DLG2: variants seen among roughly 807,000 people sequenced by gnomAD.
DLG2 encodes disks large homolog 2.
A neutral mutation model predicts 132.5 loss-of-function variants in DLG2; 45 were observed. That is an observed-to-expected ratio of 0.34 (90% CI 0.27 to 0.44). The LOEUF (loss-of-function observed/expected upper bound fraction) is 0.44. Ranked by LOEUF, DLG2 falls within the 20% of genes least tolerant of loss-of-function variation. The pLI is 1.00. For missense variants in DLG2, 1,045 were observed against 1,196.9 expected, an observed-to-expected ratio of 0.87 and a Z score of 1.87; for synonymous variants, 424 against 419.6, an observed-to-expected ratio of 1.01 and a Z score of -0.13.
intron 6 of DLG2, among the ~76,000 whole-genome samples, chr11:84,929,851 C>T (rs1399005776): frequency 2.6e-5 from 4 of 151,970 alleles, no homozygotes; most frequent in East Asian, 1.9e-4. Flanking sequence ...ACCACTTGAA[C>T]GCACAGCCTG....
At chr11:84,602,347 T>C (rs1231306100) in intron 6 of DLG2, among the ~76,000 whole-genome samples, 1 of 151,930 alleles carries the variant, frequency 6.6e-6, no homozygotes, top group Non-Finnish European at 1.5e-5. Flanking sequence ...ATAGGGAATT[T>C]AACTGACTTG....
intron 7 of DLG2, among the ~76,000 whole-genome samples, chr11:84,324,496 C>T (rs193121655): frequency 1.8e-4 from 27 of 151,872 alleles, no homozygotes; most frequent in Non-Finnish European, 3.1e-4. Flanking sequence ...TTCAGATTTA[C>T]TCTTCTTTCT....
intron 6 of DLG2, among the ~76,000 whole-genome samples, chr11:84,819,223 T>C (rs933429239): frequency 3.3e-5 from 5 of 151,900 alleles, no homozygotes; most frequent in African/African-American, 1.2e-4. Flanking sequence ...TTTAAACCTA[T>C]ATCTACCTGA....
chr11:84,290,677 T>C (rs1003546304), intron 7 of DLG2, among the ~76,000 whole-genome samples: 2 of 152,060 alleles, frequency 1.3e-5, no homozygotes, highest in African/African-American at 4.8e-5. Context: ...GAAAAGGAAG[T>C]GGGAGAGATA....
intron 19 of DLG2, among the ~76,000 whole-genome samples, chr11:83,555,257 T>C (rs532175328): frequency 6.6e-6 from 1 of 152,352 alleles, no homozygotes; most frequent in South Asian, 2.1e-4. Flanking sequence ...AGAGGCCAGG[T>C]CATGGAGAAT....
chr11:85,370,749 A>AGAG (rs2084912883), intron 3 of DLG2, among the ~76,000 whole-genome samples: 1 of 152,184 alleles, frequency 6.6e-6, no homozygotes, highest in African/African-American at 2.4e-5. Flanking sequence ...TGAGTACTTC[A>AGAG]GAGGGCCCCT....
At chr11:85,383,104 AAAT>A (rs2086030912) in intron 3 of DLG2, among the ~76,000 whole-genome samples, 1 of 152,168 alleles carries the variant, frequency 6.6e-6, no homozygotes, top group African/African-American at 2.4e-5. Context: ...ATGAACAGAT[AAAT>A]AATATATAGT....
At chr11:84,688,036 T>G (rs576582978) in intron 6 of DLG2, among the ~76,000 whole-genome samples, 33 of 152,228 alleles carry the variant, frequency 2.2e-4, no homozygotes, top group South Asian at 1.0e-3. Context: ...TGTATATATG[T>G]GATAGCAGAG....
intron 7 of DLG2, among the ~76,000 whole-genome samples, chr11:84,381,694 G>T (rs2098749559): frequency 1.3e-5 from 2 of 152,144 alleles, no homozygotes; most frequent in Admixed American, 1.3e-4. Context: ...CTCCTAAAAT[G>T]CTAATGAACC....
chr11:83,769,516 T>C (rs533991000), intron 18 of DLG2, among the ~76,000 whole-genome samples: 1 of 149,922 alleles, frequency 6.7e-6, no homozygotes, highest in Non-Finnish European at 1.5e-5. Context: ...GGGGATGGAG[T>C]GTATGGTTAG....
intron 3 of DLG2, among the ~76,000 whole-genome samples, chr11:85,497,020 T>C (rs1471042489): frequency 6.6e-6 from 1 of 151,740 alleles, no homozygotes; most frequent in Non-Finnish European, 1.5e-5. Context: ...ATGCCTCTTC[T>C]CCTCCAAAGG....
chr11:85,115,472 G>A (rs763082849), intron 5 of DLG2, among the ~76,000 whole-genome samples: 104 of 152,018 alleles, frequency 6.8e-4, no homozygotes, highest in Middle Eastern at 3.4e-3. Context: ...AACTAATAAA[G>A]CTGCAGTTAT....
intron 6 of DLG2, among the ~76,000 whole-genome samples, chr11:84,985,167 G>C (rs2056313601): frequency 6.6e-6 from 1 of 152,144 alleles, no homozygotes; most frequent in South Asian, 2.1e-4. Flanking sequence ...AATAACTGCA[G>C]AATATCCATT....
intron 17 of DLG2, among the ~76,000 whole-genome samples, chr11:83,792,322 T>C (rs1285071995): frequency 6.6e-6 from 1 of 152,174 alleles, no homozygotes; most frequent in Non-Finnish European, 1.5e-5. Context: ...ATTAAACATA[T>C]AGGAACTAAT....
In DLG2 at chr11:85,098,414, T is replaced by C. The variant is rs377283124; in HGVS notation, c.357+13247A>G. 2.6e-5 allele frequency among the ~76,000 whole-genome samples: 4 copies of C among 152,316 alleles called. No individual in the cohort carries two copies. In the East Asian group the frequency reaches 5.8e-4, roughly 22 times the overall value. ...TTTTTTGGTTTTGTATAGATCTTCC[T>C]ATAGACCTCAAGCTTTCAGAGAGTC... On this transcript the variant is annotated intron_variant, in intron 6 of 27. Transcript: ENST00000376104.
chr11:85,472,886 T>C (rs939638348), intron 3 of DLG2, among the ~76,000 whole-genome samples: 1 of 152,202 alleles, frequency 6.6e-6, no homozygotes, highest in African/African-American at 2.4e-5. Context: ...CTTCTGCCAA[T>C]TCACTGTGCT....
intron 6 of DLG2, among the ~76,000 whole-genome samples, chr11:84,989,818 C>T (rs775408863): frequency 6.6e-6 from 1 of 152,070 alleles, no homozygotes; most frequent in Non-Finnish European, 1.5e-5. Flanking sequence ...TAGAAATAGA[C>T]TTACATGAAT....
At chr11:84,151,734 G>A (rs948573254) in intron 9 of DLG2, among the ~76,000 whole-genome samples, 6 of 152,138 alleles carry the variant, frequency 3.9e-5, no homozygotes, top group African/African-American at 9.7e-5. Flanking sequence ...AGAGATTTTA[G>A]TATGTCACAG....
intron 11 of DLG2, among the ~76,000 whole-genome samples, chr11:84,001,229 C>T (rs896668479): frequency 4.8e-5 from 7 of 145,626 alleles, no homozygotes; most frequent in Admixed American, 2.8e-4. Flanking sequence ...CATGAAGACA[C>T]AAAATAAAGG....
Sources: allele counts gnomAD v4.1 joint callset (sites outside exome capture counted in the v4.1 genomes callset), GRCh38; gene constraint gnomAD v4.1.1; transcripts MANE v1.5; gene names NCBI Gene and HGNC (gene_info 2026-07-23, HGNC 2026-07-21).